Variants in RAB38 observed in about 807,000 individuals in gnomAD.
RAB38 encodes RAB38, member RAS oncogene family.
RAB38 carries 15 observed loss-of-function variants against 18.4 expected under a neutral mutation model. The observed-to-expected ratio is 0.82, with a 90% CI of 0.55 to 1.26. The LOEUF (loss-of-function observed/expected upper bound fraction) is 1.26. Ranked by LOEUF, RAB38 falls within the 50% of genes most tolerant of loss-of-function variation. The pLI is 0.00. For synonymous variants in RAB38, 101 were observed against 104.4 expected (o/e 0.97, Z 0.20); for missense variants, 294 against 267.4 (o/e 1.10, Z -0.69).
the RAB38 span, among the ~76,000 whole-genome samples, chr11:87,876,114 AT>A: frequency 6.6e-6 from 1 of 151,594 alleles, no homozygotes; most frequent in Non-Finnish European, 1.5e-5. Flanking sequence ...TTCCTCTAAT[AT>A]TTCAATATAG....
chr11:87,951,950 G>C, the RAB38 span, among the ~76,000 whole-genome samples: 13 of 152,280 alleles, frequency 8.5e-5, no homozygotes, highest in Admixed American at 4.6e-4. Context: ...GAAATCACCT[G>C]TCTTCTGTGT....
At chr11:87,832,735 C>T in the RAB38 span, among the ~76,000 whole-genome samples, 1 of 152,000 alleles carries the variant, frequency 6.6e-6, no homozygotes. Context: ...GTGTACTCTC[C>T]TTTTAAGAAC....
At chr11:87,971,583 C>G in the RAB38 span, among the ~76,000 whole-genome samples, 1 of 152,008 alleles carries the variant, frequency 6.6e-6, no homozygotes, top group Non-Finnish European at 1.5e-5. Flanking sequence ...AACAGGGATA[C>G]AATGTGTTTG....
chr11:88,147,493 C>T (rs1403771409), intron 2 of RAB38, among the ~76,000 whole-genome samples: 3 of 150,046 alleles, frequency 2.0e-5, no homozygotes, highest in Admixed American at 2.0e-4. Context: ...TGAAGGAACA[C>T]GCAGCAACTT....
At chr11:87,956,551 C>T in the RAB38 span, among the ~76,000 whole-genome samples, 1 of 150,882 alleles carries the variant, frequency 6.6e-6, no homozygotes, top group East Asian at 1.9e-4. Flanking sequence ...AACCAAACGG[C>T]AGGATAATTA....
the RAB38 span, among the ~76,000 whole-genome samples, chr11:87,861,392 G>A: frequency 5.3e-5 from 8 of 151,838 alleles, no homozygotes; most frequent in Non-Finnish European, 7.4e-5. Flanking sequence ...AGATACAGAA[G>A]CATTTTTTTC....
the RAB38 span, among the ~76,000 whole-genome samples, chr11:88,025,821 C>A: frequency 2.0e-5 from 3 of 151,510 alleles, no homozygotes; most frequent in African/African-American, 7.3e-5. Context: ...ATTCTGTAGG[C>A]TGTCTGTTTA....
chr11:87,938,297 C>G, the RAB38 span, among the ~76,000 whole-genome samples: 1 of 152,016 alleles, frequency 6.6e-6, no homozygotes, highest in African/African-American at 2.4e-5. Flanking sequence ...ACTAGGTTGT[C>G]TTTGACACCA....
the RAB38 span, among the ~76,000 whole-genome samples, chr11:87,884,539 C>T: frequency 6.6e-6 from 1 of 151,872 alleles, no homozygotes. Flanking sequence ...TGGGATGGGA[C>T]TGGTACATTA....
chr11:88,087,994 C>T, the RAB38 span, among the ~76,000 whole-genome samples: 2,527 of 151,944 alleles, frequency 0.017, 60 homozygotes, highest in African/African-American at 0.057. Context: ...GTCCATCTTC[C>T]GTAACAGCTT....
chr11:88,163,047 CACTG>C (rs1461506275), intron 1 of RAB38, among the ~76,000 whole-genome samples: 1 of 152,146 alleles, frequency 6.6e-6, no homozygotes, highest in African/African-American at 2.4e-5. Flanking sequence ...ATTCCCACAG[CACTG>C]ACTAACTGGA....
rs914005717 is a variant in RAB38, at chr11:88,113,900, T to A, written c.*88A>T. 2.6e-6 allele frequency: 4 copies of A among 1,514,056 alleles called. No homozygotes were observed. The highest frequency in any genetic ancestry group is 3.6e-6 in the Non-Finnish European group (4 of 1,096,148). 93.8% of individuals were successfully genotyped at this position (1,514,056 alleles called of 1,614,324 possible). ...TGGCTTGCCACATGTGGTATCTCTATCCTGACGTTTACCCAAAATGGTAAA... is the reference window on the plus strand; with the variant it reads ...TGGCTTGCCACATGTGGTATCTCTAACCTGACGTTTACCCAAAATGGTAAA... On this transcript the variant is annotated 3_prime_UTR_variant, in exon 3 of 3. Transcript: ENST00000243662.
At chr11:87,864,411 A>T in the RAB38 span, among the ~76,000 whole-genome samples, 1 of 151,472 alleles carries the variant, frequency 6.6e-6, no homozygotes, top group Non-Finnish European at 1.5e-5. Flanking sequence ...TATTACTAAT[A>T]TTATTAGCAG....
chr11:87,977,560 A>G, the RAB38 span, among the ~76,000 whole-genome samples: 2 of 118,308 alleles, frequency 1.7e-5, no homozygotes, highest in African/African-American at 6.7e-5. Context: ...ATATAATTAT[A>G]TAATATACTT....
In RAB38 at chr11:88,140,929, T is replaced by C. The variant is rs140018727; in HGVS notation, c.483+8746A>G. Among the ~76,000 whole-genome samples, 19 of 152,248 alleles carry C rather than the reference T, an allele frequency of 1.2e-4. No individual in the cohort carries two copies. In the East Asian group the frequency reaches 3.1e-3, roughly 25 times the overall value. On this transcript the variant is annotated intron_variant, in intron 2 of 2. Transcript: ENST00000243662. ...GCTGATGAATTCCATTTCAGATATG[T>C]TGGGTTTGAGGAGTTCTCTGAGTGA...
the RAB38 span, among the ~76,000 whole-genome samples, chr11:88,058,257 G>C: frequency 6.6e-6 from 1 of 151,588 alleles, no homozygotes. Flanking sequence ...ATGAAATCTA[G>C]GGACATTCCT....
At chr11:87,854,949 C>G in the RAB38 span, among the ~76,000 whole-genome samples, 1 of 152,096 alleles carries the variant, frequency 6.6e-6, no homozygotes, top group African/African-American at 2.4e-5. Flanking sequence ...TGCCCACCAC[C>G]ATGCCTGGCT....
chr11:88,106,283 A>G, the RAB38 span, among the ~76,000 whole-genome samples: 5 of 152,124 alleles, frequency 3.3e-5, no homozygotes, highest in Non-Finnish European at 7.3e-5. Context: ...CAACTTGCTC[A>G]GAGCAGCGAA....
chr11:87,840,409 G>A, the RAB38 span, among the ~76,000 whole-genome samples: 1 of 152,156 alleles, frequency 6.6e-6, no homozygotes, highest in African/African-American at 2.4e-5. Flanking sequence ...TCTGAAAGTT[G>A]GCGATTGGAT....
Sources: gnomAD v4.1 joint callset for allele counts (sites outside exome capture counted in the v4.1 genomes callset) on GRCh38, gnomAD v4.1.1 for gene constraint, MANE v1.5 for transcripts, NCBI Gene and HGNC (gene_info 2026-07-23, HGNC 2026-07-21) for gene names.